The following SBNO1 variants were observed in gnomAD, a reference collection of about 807,000 sequenced individuals.
SBNO1 encodes protein strawberry notch homolog 1.
In SBNO1, 23 loss-of-function variants were observed where a neutral mutation model predicts 173.6. The observed-to-expected ratio is 0.13, with a 90% CI of 0.10 to 0.19. The LOEUF is 0.19. Ranked by LOEUF, SBNO1 falls within the 10% of genes least tolerant of loss-of-function variation. The pLI is 1.00. For synonymous variants in SBNO1, 632 were observed against 571.5 expected (o/e 1.11, Z -1.51); for missense variants, 1,238 against 1,671.2 (o/e 0.74, Z 4.52).
At chr12:123,364,002 C>G in intron 1 of SBNO1, 1 of 985,492 alleles carries the variant, frequency 1.0e-6, no homozygotes. Context: ...GCCAAACGCT[C>G]TCAAAGTAAG....
chr12:123,292,848 A>G lies in SBNO1; in HGVS notation c.*3060T>C, dbSNP rs2048532447. 6.6e-6 allele frequency: 1 copy of G among 152,224 alleles called. No homozygotes were observed. Among genetic ancestry groups the G allele is most frequent in the South Asian group, 2.1e-4 (1 of 4,836 alleles). 9.4% of individuals were successfully genotyped at this position (152,224 alleles called of 1,614,324 possible). A position where few individuals can be genotyped will look rare whatever the true frequency, so the allele number is the denominator to read the frequency against. ...AACTGCTTAACATATTTGCTTCTTA[A>G]TCAAGTTGTGTTTAAAGAAATGCAT... On this transcript the variant is annotated 3_prime_UTR_variant, in exon 32 of 32. Transcript: ENST00000602398.
intron 1 of SBNO1, chr12:123,363,925 C>A: frequency 1.0e-6 from 1 of 985,460 alleles, no homozygotes; most frequent in Non-Finnish European, 1.2e-6. Context: ...GCGGTTAAAC[C>A]GACCCCAAAC....
chr12:123,353,627 A>G (rs1874123041), intron 1 of SBNO1, among the ~76,000 whole-genome samples: 1 of 152,178 alleles, frequency 6.6e-6, no homozygotes, highest in Admixed American at 6.6e-5. Context: ...CAAGTTAACT[A>G]ATTTTTCTAA....
At chr12:123,316,938 G>T (rs1593351651) in intron 21 of SBNO1, among the ~76,000 whole-genome samples, 1 of 151,810 alleles carries the variant, frequency 6.6e-6, no homozygotes, top group Non-Finnish European at 1.5e-5. Context: ...ATTACCTCAA[G>T]TGATGCACCC....
intron 1 of SBNO1, among the ~76,000 whole-genome samples, chr12:123,351,604 A>G (rs1290222391): frequency 2.0e-5 from 3 of 152,062 alleles, no homozygotes; most frequent in African/African-American, 7.2e-5. Context: ...ACAGAGTAAG[A>G]CCCCCAACTC....
chr12:123,325,172 G>A (rs893666328), intron 15 of SBNO1, among the ~76,000 whole-genome samples: 6 of 152,208 alleles, frequency 3.9e-5, no homozygotes, highest in South Asian at 2.1e-4. Flanking sequence ...TGTGGATAAC[G>A]GTAATTTCAA....
intron 1 of SBNO1, among the ~76,000 whole-genome samples, chr12:123,357,698 T>A (rs1353916296): frequency 6.6e-6 from 1 of 152,126 alleles, no homozygotes; most frequent in African/African-American, 2.4e-5. Context: ...GAGGTTACAG[T>A]GAGCCGAGGT....
At chr12:123,361,925 G>C (rs991208939) in intron 1 of SBNO1, among the ~76,000 whole-genome samples, 1 of 151,532 alleles carries the variant, frequency 6.6e-6, no homozygotes, top group Non-Finnish European at 1.5e-5. Flanking sequence ...CGGATCACCA[G>C]GTCAGGAGTT....
chr12:123,355,547 T>C (rs1010361335), intron 1 of SBNO1, among the ~76,000 whole-genome samples: 8 of 151,784 alleles, frequency 5.3e-5, no homozygotes, highest in Admixed American at 1.3e-4. Context: ...GAGGTTGCAG[T>C]GAGCCAAGAT....
intron 14 of SBNO1, 34 bp downstream of exon 14, chr12:123,326,118 C>CA (rs767671395): frequency 3.4e-5 from 52 of 1,514,550 alleles, no homozygotes; most frequent in Middle Eastern, 1.8e-4. Flanking sequence ...CAACATAACC[C>CA]CCAAACAATC....
rs527618745 is a variant in SBNO1 at position 123,302,950 on chromosome 12, C to G, written c.3769-50G>C. On this transcript the variant is annotated intron_variant, in intron 29 of 31. Transcript: ENST00000602398. ...TGAAAACAGTATTGCTTTAAATAAA[C>G]TGGTTACCTAGTCTGGTCTGTAATT... The G allele has an allele frequency of 3.7e-6, 5 of 1,355,806 alleles. No homozygotes were observed. In the South Asian group the frequency reaches 5.9e-5, roughly 16 times the overall value. 84.0% of individuals were successfully genotyped at this position (1,355,806 alleles called of 1,614,324 possible).
At chr12:123,316,162 G>C (rs1277185584) in intron 21 of SBNO1, among the ~76,000 whole-genome samples, 1 of 151,954 alleles carries the variant, frequency 6.6e-6, no homozygotes, top group African/African-American at 2.4e-5. Flanking sequence ...ATACTATAAA[G>C]TATATATATA....
chr12:123,347,173 G>A (rs1459617469), intron 3 of SBNO1, among the ~76,000 whole-genome samples: 1 of 151,876 alleles, frequency 6.6e-6, no homozygotes, highest in Non-Finnish European at 1.5e-5. Flanking sequence ...CAGAACTAGA[G>A]AGAGAAAACT....
intron 7 of SBNO1, 72 bp downstream of exon 7, chr12:123,333,981 T>C (rs1184417505): frequency 1.0e-6 from 1 of 1,003,532 alleles, no homozygotes; most frequent in Non-Finnish European, 1.4e-6. Flanking sequence ...AAAAGTTACC[T>C]TTAGATTGAA....
chr12:123,343,738 A>G (rs988411703), intron 4 of SBNO1, among the ~76,000 whole-genome samples: 40 of 151,974 alleles, frequency 2.6e-4, no homozygotes, highest in Middle Eastern at 3.2e-3. Context: ...GAGTTTCACC[A>G]TCTTGGCCAG....
chr12:123,320,585 G>C lies in SBNO1; in HGVS notation c.2514C>G (p.Asn838Lys). Residue 838 changes from asparagine to lysine, a missense_variant, in exon 19 of 32, where the codon AAC becomes AAG. Physicochemically the swap from Asn to Lys is moderately conservative, Grantham distance 94. Around this residue, in one of 14 missense-constraint regions of SBNO1, gnomAD observed 74 missense variants for 68.5 expected, o/e 1.08. Transcript: ENST00000602398. ...STPANSNTNS[N>K]SSLITSQDAV... ...CATCCTGACTTGTTATAAGGCTACT[G>C]TTACTGTTGGTGTTACTGTTAGCTA... The C allele has an allele frequency of 1.9e-6, 3 of 1,613,574 alleles. No individual in the cohort carries two copies. Among genetic ancestry groups the C allele is most frequent in the Non-Finnish European group, 2.5e-6 (3 of 1,179,776 alleles).
At position 123,331,316 on chromosome 12, in the gene SBNO1, G is replaced by A. The variant is rs148977688; in HGVS notation, c.969C>T (p.Ala323=). Residue 323 remains alanine, a synonymous_variant, in exon 8 of 32, where the codon GCC becomes GCT. Coordinates refer to ENST00000602398, the MANE Select transcript of SBNO1 (RefSeq NM_001167856.3). ...DRAGFLIGDG[A]GVGKGRTIAG... ...CTATCGTCCTTCCTTTTCCTACACC[G>A]GCACCATCACCTATTAAGAAGCCAG... is the stretch of plus-strand genomic sequence containing the variant. The A allele has an allele frequency of 8.1e-6, 13 of 1,613,502 alleles. No homozygotes were observed. The highest frequency in any genetic ancestry group is 1.6e-4 in the Middle Eastern group (1 of 6,084).
chr12:123,341,410 T>C (rs1384011215), intron 4 of SBNO1, among the ~76,000 whole-genome samples: 1 of 152,012 alleles, frequency 6.6e-6, no homozygotes, highest in African/African-American at 2.4e-5. Context: ...ATTGCACCAC[T>C]GCACTTCAGC....
intron 17 of SBNO1, 98 bp from the exon 18 acceptor site, chr12:123,320,964 T>C (rs564735206): frequency 3.9e-6 from 4 of 1,013,832 alleles, no homozygotes; most frequent in East Asian, 5.1e-5. Context: ...TTTGAGACAA[T>C]GTTTCGCTGT....
Sources: gnomAD v4.1 joint callset for allele counts (sites outside exome capture counted in the v4.1 genomes callset) on GRCh38, gnomAD v4.1.1 for gene constraint, gnomAD v4.1.1 regional missense constraint, MANE v1.5 for transcripts, NCBI Gene and HGNC (gene_info 2026-07-23, HGNC 2026-07-21) for gene names.